Variants in CALN1 observed in about 807,000 individuals in gnomAD.
CALN1 encodes calcium-binding protein 8.
CALN1 carries 17 observed loss-of-function variants against 30.6 expected under a neutral mutation model. The ratio of observed to expected loss-of-function variants is 0.56; its 90% CI spans 0.38 to 0.83. The LOEUF (loss-of-function observed/expected upper bound fraction) is 0.83, where lower values mean the gene tolerates loss of function less well. CALN1 is among the 40% of genes least tolerant of loss of function. The pLI is 0.00. For synonymous variants in CALN1, 156 were observed against 131.4 expected, an observed-to-expected ratio of 1.19 and a Z score of -1.28; for missense variants, 291 against 354.9, an observed-to-expected ratio of 0.82 and a Z score of 1.45.
At chr7:72,188,950 C>T (rs916894030) in intron 3 of CALN1, among the ~76,000 whole-genome samples, 4 of 152,126 alleles carry the variant, frequency 2.6e-5, no homozygotes, top group African/African-American at 9.7e-5. Flanking sequence ...CCATCTTGGT[C>T]TAAGAGGGAC....
At chr7:72,394,700 T>C (rs1039250679) in intron 2 of CALN1, among the ~76,000 whole-genome samples, 3 of 150,974 alleles carry the variant, frequency 2.0e-5, no homozygotes, top group Non-Finnish European at 4.4e-5. Context: ...CTCACTATGT[T>C]GCCCAGGCTG....
chr7:72,501,370 T>TAAAAAAAAAAAAAAAAAAAAAAAAAAAA, the CALN1 span, among the ~76,000 whole-genome samples: 2 of 42,798 alleles, frequency 4.7e-5, no homozygotes, highest in Non-Finnish European at 7.7e-5. Context: ...ACGTCTCTAT[T>TAAAAAAAAAAAAAAAAAAAAAAAAAAAA]AAAAAAAAAA....
At chr7:72,223,583 T>C (rs917458161) in intron 3 of CALN1, among the ~76,000 whole-genome samples, 1 of 152,202 alleles carries the variant, frequency 6.6e-6, no homozygotes, top group Non-Finnish European at 1.5e-5. Flanking sequence ...AGGCCTGATG[T>C]GGTCCCTCAC....
At chr7:71,884,910 A>C (rs113863024) in intron 5 of CALN1, among the ~76,000 whole-genome samples, 5,930 of 152,180 alleles carry the variant, frequency 0.039, 354 homozygotes, top group African/African-American at 0.13. Context: ...GATTAACTAA[A>C]ATTTGAATAG....
chr7:72,255,498 T>A lies in CALN1; in HGVS notation c.244+23188A>T, dbSNP rs573362615. Among the ~76,000 whole-genome samples, 6 of 151,940 alleles carry A rather than the reference T, an allele frequency of 3.9e-5. No homozygotes were observed. The South Asian group carries it at 1.2e-3, about 32-fold the overall frequency. On this transcript the variant is annotated intron_variant, in intron 3 of 6. Transcript: ENST00000395275. ...GGCATGATCTCGGCTCACTGCAACCTCTGCTTCCTGGGTTCAAGTGATTCT... is the reference window on the plus strand; with the variant it reads ...GGCATGATCTCGGCTCACTGCAACCACTGCTTCCTGGGTTCAAGTGATTCT...
intron 2 of CALN1, among the ~76,000 whole-genome samples, chr7:72,334,080 C>A (rs1160596745): frequency 6.6e-6 from 1 of 152,198 alleles, no homozygotes; most frequent in Non-Finnish European, 1.5e-5. Flanking sequence ...AGTGATTTCA[C>A]TTCCCTTTGC....
At chr7:72,492,932 G>T in the CALN1 span, among the ~76,000 whole-genome samples, 1 of 152,114 alleles carries the variant, frequency 6.6e-6, no homozygotes, top group South Asian at 2.1e-4. Flanking sequence ...AAATCACAAG[G>T]ACAACAAGAT....
chr7:72,181,044 G>C (rs1029904903), intron 3 of CALN1, among the ~76,000 whole-genome samples: 1 of 142,812 alleles, frequency 7.0e-6, no homozygotes, highest in Non-Finnish European at 1.5e-5. Context: ...GTTGCAGTGA[G>C]CCACGATCAC....
chr7:72,022,278 T>C (rs1222940529), intron 5 of CALN1, among the ~76,000 whole-genome samples: 1 of 152,216 alleles, frequency 6.6e-6, no homozygotes, highest in East Asian at 1.9e-4. Context: ...ATGCACAGAG[T>C]GAGCTACAAC....
chr7:72,076,335 A>G (rs1471511496), intron 4 of CALN1, among the ~76,000 whole-genome samples: 1 of 151,480 alleles, frequency 6.6e-6, no homozygotes, highest in African/African-American at 2.4e-5. Context: ...GCGGTGGCTC[A>G]CTCCTGTAAT....
intron 3 of CALN1, among the ~76,000 whole-genome samples, chr7:72,121,524 T>C (rs76747840): frequency 0.02 from 3,038 of 148,224 alleles, 48 homozygotes; most frequent in Middle Eastern, 0.064. Context: ...AACACGGACA[T>C]GAGTCCCTCA....
At chr7:71,791,115 G>T (rs1003050397) in intron 6 of CALN1, among the ~76,000 whole-genome samples, 1 of 152,104 alleles carries the variant, frequency 6.6e-6, no homozygotes, top group Non-Finnish European at 1.5e-5. Context: ...AAGGCAAACA[G>T]AATTTTCTCC....
chr7:72,369,768 G>A (rs1269181948), intron 2 of CALN1, among the ~76,000 whole-genome samples: 1 of 152,078 alleles, frequency 6.6e-6, no homozygotes, highest in African/African-American at 2.4e-5. Context: ...CTTCATCTCA[G>A]CATAATTATT....
intron 4 of CALN1, among the ~76,000 whole-genome samples, chr7:72,069,304 C>A (rs1804235682): frequency 6.6e-6 from 1 of 152,198 alleles, no homozygotes; most frequent in Middle Eastern, 3.2e-3. Context: ...AATGAGGTGA[C>A]ATCTTGGACT....
chr7:71,862,555 T>A (rs1322814214), intron 5 of CALN1, among the ~76,000 whole-genome samples: 1 of 152,128 alleles, frequency 6.6e-6, no homozygotes, highest in Non-Finnish European at 1.5e-5. Context: ...GAACTGTGAG[T>A]CTATTACACC....
chr7:72,236,442 A>G (rs1794479541), intron 3 of CALN1, among the ~76,000 whole-genome samples: 1 of 152,220 alleles, frequency 6.6e-6, no homozygotes, highest in African/African-American at 2.4e-5. Flanking sequence ...TTCTACTGAC[A>G]ACAGTCAATA....
intron 4 of CALN1, among the ~76,000 whole-genome samples, chr7:72,076,646 A>C (rs844745): frequency 8.0e-6 from 1 of 124,598 alleles, no homozygotes; most frequent in Non-Finnish European, 1.7e-5. Context: ...AAAAAAAAAA[A>C]AGCAAAGACA....
intron 2 of CALN1, among the ~76,000 whole-genome samples, chr7:72,285,191 G>T (rs950789997): frequency 3.3e-5 from 5 of 152,064 alleles, no homozygotes; most frequent in Non-Finnish European, 5.9e-5. Context: ...CTTGATTTTT[G>T]TATATTTTTG....
Position 72,405,396 on chromosome 7 carries a change from C to T in CALN1, c.-73-1954G>A, listed in dbSNP as rs553056516. 2.0e-5 allele frequency among the ~76,000 whole-genome samples: 3 copies of T among 152,256 alleles called. 1 individual carries two copies. In the East Asian group the frequency reaches 5.8e-4, roughly 29 times the overall value. On this transcript the variant is annotated intron_variant, in intron 1 of 6. Coordinates refer to ENST00000395275, the MANE Select transcript of CALN1 (RefSeq NM_031468.4). ...ACCCATCTAGCATAGCTTGGGAGGT[C>T]TCAGGAAACTTAACAATTATGGTGG...
Sources: allele counts gnomAD v4.1 joint callset (sites outside exome capture counted in the v4.1 genomes callset), GRCh38; gene constraint gnomAD v4.1.1; transcripts MANE v1.5; gene names NCBI Gene and HGNC (gene_info 2026-07-23, HGNC 2026-07-21).